PLCL2: variants seen among roughly 807,000 people sequenced by gnomAD.
PLCL2 encodes phospholipase C like 2.
PLCL2 carries 4 observed loss-of-function variants against 79.6 expected under a neutral mutation model. That is an observed-to-expected ratio of 0.05 (90% CI 0.02 to 0.11). PLCL2 has a LOEUF of 0.11. Among genes scored for constraint, PLCL2 ranks in the 10% least tolerant of loss-of-function variants. The pLI is 1.00. For missense variants in PLCL2, 895 were observed against 1,291.0 expected (o/e 0.69, Z 4.70); for synonymous variants, 484 against 457.7 (o/e 1.06, Z -0.73).
Position 17,009,426 on chromosome 3 carries a change from ATTG to A in PLCL2, c.328-245_328-243del, listed in dbSNP as rs1437168678. ...TGTGAACCTCCGTCCCTGGCCTGAAATTGTTCTTCTTGATAAATATGAATTGCA... is the reference window on the plus strand; with the variant it reads ...TGTGAACCTCCGTCCCTGGCCTGAAATTCTTCTTGATAAATATGAATTGCA... On this transcript the variant is annotated intron_variant, in intron 1 of 5. Coordinates refer to ENST00000615277, the MANE Select transcript of PLCL2 (RefSeq NM_001144382.2). This position sits in a 1 kb window ranked among gnomAD's most constrained non-coding sequence, Gnocchi z 4.0. Among the ~76,000 whole-genome samples the A allele has an allele frequency of 6.6e-6, 1 of 152,086 alleles. No homozygotes were observed. Among genetic ancestry groups the A allele is most frequent in the Non-Finnish European group, 1.5e-5 (1 of 68,024 alleles).
At chr3:16,933,584 C>T (rs1045796307) in intron 1 of PLCL2, among the ~76,000 whole-genome samples, 8 of 152,252 alleles carry the variant, frequency 5.3e-5, no homozygotes, top group Non-Finnish European at 7.4e-5. Context: ...CTTTTTCATA[C>T]ACTGTAGCAG....
At chr3:16,911,718 C>T (rs145601088) in intron 1 of PLCL2, among the ~76,000 whole-genome samples, 44 of 152,276 alleles carry the variant, frequency 2.9e-4, no homozygotes, top group African/African-American at 1.0e-3. Flanking sequence ...TCCTGATAAT[C>T]AATTTTCATG....
At chr3:17,020,175 G>C (rs2064432771) in intron 3 of PLCL2, among the ~76,000 whole-genome samples, 1 of 152,100 alleles carries the variant, frequency 6.6e-6, no homozygotes, top group African/African-American at 2.4e-5. Flanking sequence ...ATTGTTATGA[G>C]ACCTGTACTA....
chr3:16,975,799 C>T (rs2063919807), intron 1 of PLCL2, among the ~76,000 whole-genome samples: 1 of 152,158 alleles, frequency 6.6e-6, no homozygotes. Context: ...GGGCATAATT[C>T]ATCCTGAGTG....
At chr3:16,940,159 G>A (rs967599468) in intron 1 of PLCL2, among the ~76,000 whole-genome samples, 3 of 152,044 alleles carry the variant, frequency 2.0e-5, no homozygotes, top group African/African-American at 7.2e-5. Context: ...TGTCCCTCCC[G>A]GCGGGCCAGC....
At chr3:17,084,061 A>C (rs904158702) in intron 5 of PLCL2, among the ~76,000 whole-genome samples, 1 of 152,238 alleles carries the variant, frequency 6.6e-6, no homozygotes, top group Non-Finnish European at 1.5e-5. Context: ...CTAACTAAGA[A>C]AGAGATGATA....
chr3:16,885,709 A>G (rs147281833), intron 1 of PLCL2, among the ~76,000 whole-genome samples: 4 of 152,310 alleles, frequency 2.6e-5, no homozygotes, highest in East Asian at 3.9e-4. Flanking sequence ...TAAGATTTCT[A>G]TTGTATCTTA....
At chr3:17,002,327 T>C (rs977644143) in intron 1 of PLCL2, among the ~76,000 whole-genome samples, 3 of 152,128 alleles carry the variant, frequency 2.0e-5, no homozygotes, top group South Asian at 2.1e-4. Context: ...GTTTGACTTA[T>C]TTCTTTCCAA....
chr3:16,947,127 A>ATT (rs200914734), intron 1 of PLCL2, among the ~76,000 whole-genome samples: 29 of 142,500 alleles, frequency 2.0e-4, no homozygotes, highest in Middle Eastern at 3.5e-3. Flanking sequence ...GGCTAATTTT[A>ATT]TTTTTTTTTT....
In PLCL2 at chr3:16,951,122, G is replaced by GT. The variant is rs201845783; in HGVS notation, c.328-58544dup. On this transcript the variant is annotated intron_variant, in intron 1 of 5. Coordinates refer to ENST00000615277, the MANE Select transcript of PLCL2 (RefSeq NM_001144382.2). ...CTCAAAATAAACTGAATGGCTTTCTGTTTTTTTTCCTGAGTAGTTTATGTA... is the reference window on the plus strand; with the variant it reads ...CTCAAAATAAACTGAATGGCTTTCTGTTTTTTTTTCCTGAGTAGTTTATGTA... Among the ~76,000 whole-genome samples the GT allele has an allele frequency of 3.4e-3, 515 of 151,718 alleles. 3 individuals are homozygous for GT. Among genetic ancestry groups the GT allele is most frequent in the African/African-American group, 0.011 (476 of 41,412 alleles).
chr3:17,058,950 T>TG (rs2064918004), intron 4 of PLCL2, among the ~76,000 whole-genome samples: 1 of 152,084 alleles, frequency 6.6e-6, no homozygotes, highest in Non-Finnish European at 1.5e-5. Flanking sequence ...AACTCAGATT[T>TG]GGGGGAGGGA....
intron 1 of PLCL2, among the ~76,000 whole-genome samples, chr3:16,900,422 T>G (rs573571893): frequency 1.5e-4 from 23 of 152,314 alleles, no homozygotes; most frequent in African/African-American, 5.5e-4. Flanking sequence ...TAGCATGCAT[T>G]TTGACTTTTA....
chr3:16,900,904 T>C (rs1696602489), intron 1 of PLCL2, among the ~76,000 whole-genome samples: 1 of 152,210 alleles, frequency 6.6e-6, no homozygotes, highest in African/African-American at 2.4e-5. Flanking sequence ...TTCATTTCTC[T>C]CTCACTTCAA....
intron 1 of PLCL2, among the ~76,000 whole-genome samples, chr3:16,902,643 A>G (rs749087868): frequency 2.0e-5 from 3 of 152,138 alleles, no homozygotes; most frequent in African/African-American, 7.2e-5. Flanking sequence ...CCTGGCCAAC[A>G]TGGTGAAACC....
At chr3:17,062,045 A>T (rs949416869) in intron 4 of PLCL2, among the ~76,000 whole-genome samples, 1 of 152,142 alleles carries the variant, frequency 6.6e-6, no homozygotes, top group Non-Finnish European at 1.5e-5. Flanking sequence ...GCTTTTCCCT[A>T]GGAACAGAAA....
chr3:17,054,488 G>A (rs2064874105), intron 4 of PLCL2, among the ~76,000 whole-genome samples: 1 of 152,050 alleles, frequency 6.6e-6, no homozygotes, highest in Non-Finnish European at 1.5e-5. Context: ...CTGCTTCTCA[G>A]TATCAGTTTC....
In PLCL2 at chr3:17,009,977, C is replaced by A. The variant is rs748421376; in HGVS notation, c.631C>A (p.Gln211Lys). The change falls in exon 2 of 6, where the codon CAG (glutamine) becomes AAG (lysine). Residue 211 changes from glutamine to lysine, a missense_variant. Transcript: ENST00000615277. The surrounding 1 kb of genome is among the most constrained non-coding windows in gnomAD (Gnocchi z 4.0). ...DIFRSNGISD[Q>K]ISEDCAFSVI... ...ATTCCGCAGCAATGGCATTTCTGAC[C>A]AGATATCTGAAGATTGTGCGTTTTC... 4 of 1,614,018 alleles carry A rather than the reference C, an allele frequency of 2.5e-6. No individual in the cohort carries two copies. Among genetic ancestry groups the A allele is most frequent in the Non-Finnish European group, 3.4e-6 (4 of 1,179,954 alleles).
chr3:17,026,042 C>T (rs1157240986), intron 3 of PLCL2, among the ~76,000 whole-genome samples: 1 of 152,172 alleles, frequency 6.6e-6, no homozygotes, highest in Non-Finnish European at 1.5e-5. Context: ...GTTTTTCATT[C>T]TCTTCACTTC....
At chr3:16,994,642 T>G (rs2064135343) in intron 1 of PLCL2, among the ~76,000 whole-genome samples, 1 of 152,176 alleles carries the variant, frequency 6.6e-6, no homozygotes, top group South Asian at 2.1e-4. Context: ...TTTAAAACTG[T>G]TTTTAAAATA....
Sources: allele counts gnomAD v4.1 joint callset (sites outside exome capture counted in the v4.1 genomes callset), GRCh38; gene constraint gnomAD v4.1.1; non-coding constraint Gnocchi (gnomAD v3.1); transcripts MANE v1.5; gene names NCBI Gene and HGNC (gene_info 2026-07-23, HGNC 2026-07-21).